Variants in NCOA3 observed in about 807,000 individuals in gnomAD.
NCOA3 encodes the protein CBP-interacting protein.
A neutral mutation model predicts 158.8 loss-of-function variants in NCOA3; 51 were observed. That is an observed-to-expected ratio of 0.32 (90% CI 0.26 to 0.41). NCOA3 has a LOEUF of 0.41. Ranked by LOEUF, NCOA3 falls within the 10% of genes least tolerant of loss-of-function variation. The pLI, the probability that NCOA3 is intolerant of heterozygous loss-of-function variation, is 1.00. For missense variants in NCOA3, 1,510 were observed against 1,746.6 expected (o/e 0.86, Z 2.41); for synonymous variants, 537 against 592.4 (o/e 0.91, Z 1.36).
At chr20:47,585,161 C>T (rs779016409) in intron 2 of NCOA3, among the ~76,000 whole-genome samples, 1 of 144,220 alleles carries the variant, frequency 6.9e-6, no homozygotes, top group African/African-American at 2.6e-5. Context: ...AAGCAATTCT[C>T]ATGCCTCAGC....
intron 1 of NCOA3, among the ~76,000 whole-genome samples, chr20:47,539,077 T>C (rs1389833732): frequency 6.6e-6 from 1 of 152,236 alleles, no homozygotes; most frequent in East Asian, 1.9e-4. Context: ...GTATCTTTCT[T>C]GGGTTGCTTA....
intron 17 of NCOA3, among the ~76,000 whole-genome samples, chr20:47,644,429 G>T (rs983256502): frequency 6.6e-6 from 1 of 152,144 alleles, no homozygotes. Context: ...GATTACAGGC[G>T]TGAGCCACCG....
At chr20:47,517,692 C>T (rs2084258650) in intron 1 of NCOA3, among the ~76,000 whole-genome samples, 1 of 152,086 alleles carries the variant, frequency 6.6e-6, no homozygotes, top group Non-Finnish European at 1.5e-5. Flanking sequence ...CTCAGGTGAT[C>T]TGCCTGCCTC....
intron 1 of NCOA3, among the ~76,000 whole-genome samples, chr20:47,544,972 A>G (rs2084804230): frequency 6.6e-6 from 1 of 152,042 alleles, no homozygotes; most frequent in Non-Finnish European, 1.5e-5. Flanking sequence ...GTGTTCCCCT[A>G]TGTTTGAGAA....
In NCOA3 at chr20:47,656,648, GA is replaced by G. The variant is rs2086880594; in HGVS notation, c.*3233del. On this transcript the variant is annotated 3_prime_UTR_variant, in exon 23 of 23. Coordinates refer to ENST00000371998, the MANE Select transcript of NCOA3 (RefSeq NM_181659.3). The stretch of plus-strand genomic sequence containing the variant: ...CCTTTCTAATATATGGAGTTTCGAA[GA>G]ATAAAATATGAGAGCAATATTTAAA... The G allele has an allele frequency of 6.6e-6, 1 of 152,518 alleles. No individual in the cohort carries two copies. The highest frequency in any genetic ancestry group is 1.5e-5 in the Non-Finnish European group (1 of 68,022). The allele number at this position is 152,518 out of a possible 1,614,324, so 9.4% of individuals were successfully genotyped here. A position where few individuals can be genotyped will look rare whatever the true frequency, so the allele number is the denominator to read the frequency against.
At chr20:47,550,446 G>GAA (rs3091464) in intron 1 of NCOA3, among the ~76,000 whole-genome samples, 18,584 of 117,536 alleles carry the variant, frequency 0.16, 2,083 homozygotes, top group Non-Finnish European at 0.21. Context: ...CTCCGTCTCA[G>GAA]AAAAAAAAAA....
At chr20:47,517,451 CTTTT>C (rs376699406) in intron 1 of NCOA3, among the ~76,000 whole-genome samples, 1 of 129,264 alleles carries the variant, frequency 7.7e-6, no homozygotes. Context: ...TTTTCTTTTT[CTTTT>C]TTTTTTTTTT....
intron 1 of NCOA3, among the ~76,000 whole-genome samples, chr20:47,523,253 G>C (rs1470209844): frequency 6.6e-6 from 1 of 152,150 alleles, no homozygotes; most frequent in Non-Finnish European, 1.5e-5. Flanking sequence ...CCCCTGTGGA[G>C]ATGCCACACT....
intron 1 of NCOA3, among the ~76,000 whole-genome samples, chr20:47,552,024 C>T (rs1330241705): frequency 6.6e-6 from 1 of 152,166 alleles, no homozygotes; most frequent in Admixed American, 6.6e-5. Context: ...GGATGAGGCA[C>T]TTCTGTGGCA....
chr20:47,558,041 CTT>C (rs1003818487), intron 1 of NCOA3, among the ~76,000 whole-genome samples: 3 of 150,312 alleles, frequency 2.0e-5, no homozygotes, highest in Non-Finnish European at 3.0e-5. Flanking sequence ...TCTCTGTTCT[CTT>C]TGTCTAAATT....
chr20:47,553,389 A>T (rs1031647197), intron 1 of NCOA3, among the ~76,000 whole-genome samples: 2 of 150,826 alleles, frequency 1.3e-5, no homozygotes, highest in Middle Eastern at 3.2e-3. Flanking sequence ...ACTCTTGAAA[A>T]TTTTTTTTTT....
intron 1 of NCOA3, among the ~76,000 whole-genome samples, chr20:47,519,772 T>TC (rs1006841662): frequency 4.0e-5 from 6 of 149,200 alleles, no homozygotes; most frequent in African/African-American, 4.9e-5. Flanking sequence ...CCACAGAAAA[T>TC]TTTTTTTTTT....
At chr20:47,605,936 T>C (rs970284895) in intron 2 of NCOA3, among the ~76,000 whole-genome samples, 4 of 152,232 alleles carry the variant, frequency 2.6e-5, no homozygotes, top group African/African-American at 7.2e-5. Context: ...GGCCTGCAGA[T>C]AGTAGATACT....
intron 1 of NCOA3, among the ~76,000 whole-genome samples, chr20:47,513,118 G>A (rs1469394688): frequency 1.3e-5 from 2 of 151,408 alleles, no homozygotes; most frequent in Non-Finnish European, 2.9e-5. Context: ...GCAGTGAGCC[G>A]AGATCCCACC....
At chr20:47,546,736 G>T (rs2084835986) in intron 1 of NCOA3, among the ~76,000 whole-genome samples, 1 of 151,948 alleles carries the variant, frequency 6.6e-6, no homozygotes, top group South Asian at 2.1e-4. Context: ...TCTCCATGTT[G>T]GTCAGGCTGG....
At chr20:47,514,152 A>G (rs2084192006) in intron 1 of NCOA3, among the ~76,000 whole-genome samples, 1 of 148,324 alleles carries the variant, frequency 6.7e-6, no homozygotes, top group Non-Finnish European at 1.5e-5. Context: ...TTAAGTCAAC[A>G]TTTTCTTTTT....
chr20:47,554,660 A>G (rs1438086237), intron 1 of NCOA3, among the ~76,000 whole-genome samples: 1 of 152,010 alleles, frequency 6.6e-6, no homozygotes, highest in Non-Finnish European at 1.5e-5. Context: ...GGGATGTGAA[A>G]GACCTCTTCA....
chr20:47,535,805 C>T (rs997396928), intron 1 of NCOA3, among the ~76,000 whole-genome samples: 4 of 151,910 alleles, frequency 2.6e-5, no homozygotes, highest in Admixed American at 6.6e-5. Context: ...TGCGCCCGGC[C>T]GAGTGCAAGG....
At position 47,511,550 on chromosome 20, in the gene NCOA3, T is replaced by TATATATATATATACACAC; in HGVS notation, c.-99+9537_-99+9538insATATATACACACATATAT. 7.3e-4 allele frequency among the ~76,000 whole-genome samples: 38 copies of TATATATATATATACACAC among 52,266 alleles called. No individual in the cohort carries two copies. The South Asian group carries it at 0.025, about 34-fold the overall frequency. The allele number at this position is 52,266 out of a possible 152,430, so 34.3% of individuals were successfully genotyped here. A position where few individuals can be genotyped will look rare whatever the true frequency, so the allele number is the denominator to read the frequency against. ...ATATATATATATATATATATATATA[T>TATATATATATATACACAC]ATATATTTCTTTTTTTTTTTGAGAC... is the stretch of plus-strand genomic sequence containing the variant. On this transcript the variant is annotated intron_variant, in intron 1 of 22. Transcript: ENST00000371998.
Sources: allele counts gnomAD v4.1 joint callset (sites outside exome capture counted in the v4.1 genomes callset), GRCh38; gene constraint gnomAD v4.1.1; transcripts MANE v1.5; gene names NCBI Gene and HGNC (gene_info 2026-07-23, HGNC 2026-07-21).